The following TMEM178B variants were observed in gnomAD, a reference collection of about 807,000 sequenced individuals.
TMEM178B encodes the protein transmembrane protein 178B.
In TMEM178B, 5 loss-of-function variants were observed where a neutral mutation model predicts 31.0. The ratio of observed to expected loss-of-function variants is 0.16; its 90% CI spans 0.08 to 0.34. The LOEUF (loss-of-function observed/expected upper bound fraction) is 0.34, where lower values mean the gene tolerates loss of function less well. TMEM178B is among the 10% of genes least tolerant of loss of function. The pLI, the probability that TMEM178B is intolerant of heterozygous loss-of-function variation, is 1.00. For missense variants in TMEM178B, 275 were observed against 400.3 expected, an observed-to-expected ratio of 0.69 and a Z score of 2.67; for synonymous variants, 164 against 164.0, an observed-to-expected ratio of 1.00 and a Z score of 0.00.
intron 2 of TMEM178B, among the ~76,000 whole-genome samples, chr7:141,368,560 T>C (rs1003892941): frequency 1.3e-5 from 2 of 152,202 alleles, no homozygotes; most frequent in South Asian, 2.1e-4. Flanking sequence ...TTCAAGAATA[T>C]GAAACATAAA....
chr7:141,282,522 CT>C (rs1240144306), intron 2 of TMEM178B, among the ~76,000 whole-genome samples: 2 of 152,186 alleles, frequency 1.3e-5, no homozygotes. Context: ...TGAAGAACAA[CT>C]TTGAAGAGGC....
chr7:141,493,895 G>A, the TMEM178B span, among the ~76,000 whole-genome samples: 1 of 152,166 alleles, frequency 6.6e-6, no homozygotes, highest in African/African-American at 2.4e-5. Flanking sequence ...ACCACCTGGT[G>A]AGCCTCATTT....
Position 141,177,635 on chromosome 7 carries a change from G to T in TMEM178B, c.383-34956G>T, listed in dbSNP as rs565579894. Among the ~76,000 whole-genome samples, 65 of 152,218 alleles carry T rather than the reference G, an allele frequency of 4.3e-4. 1 individual carries two copies. Among genetic ancestry groups the T allele is most frequent in the African/African-American group, 1.6e-3 (65 of 41,520 alleles). ...TTATGAATCTGGGTGTTCCTTTATT[G>T]GGTGCATATATATTTAGGATAGTTA... On this transcript the variant is annotated intron_variant, in intron 1 of 3. Coordinates refer to ENST00000565468, the MANE Select transcript of TMEM178B (RefSeq NM_001195278.2).
At chr7:141,170,330 A>G (rs1002618379) in intron 1 of TMEM178B, among the ~76,000 whole-genome samples, 5 of 152,130 alleles carry the variant, frequency 3.3e-5, no homozygotes, top group African/African-American at 1.2e-4. Context: ...TAATTTTTGG[A>G]ATTCTTACAG....
At chr7:141,505,889 T>C in the TMEM178B span, among the ~76,000 whole-genome samples, 3 of 152,220 alleles carry the variant, frequency 2.0e-5, no homozygotes, top group Admixed American at 2.0e-4. Flanking sequence ...AATGGTGTCG[T>C]AGTAGACCAG....
chr7:141,404,236 C>T (rs1192297833), intron 2 of TMEM178B, among the ~76,000 whole-genome samples: 1 of 152,152 alleles, frequency 6.6e-6, no homozygotes, highest in Non-Finnish European at 1.5e-5. Context: ...ACCCAGGAAG[C>T]GGAGCTTGCA....
In TMEM178B at chr7:141,461,765, C is replaced by G. The variant is rs1563188900; in HGVS notation, c.635-8771C>G. ...ACACAGGAAGCACTGCCTTGTCCAC[C>G]TTATACACCTGCAATTAGCACTCAG... On this transcript the variant is annotated intron_variant, in intron 3 of 3. Coordinates refer to ENST00000565468, the MANE Select transcript of TMEM178B (RefSeq NM_001195278.2). The surrounding 1 kb of genome is among the most constrained non-coding windows in gnomAD (Gnocchi z 4.0). 6.6e-6 allele frequency among the ~76,000 whole-genome samples: 1 copy of G among 152,186 alleles called. No individual in the cohort carries two copies. Among genetic ancestry groups the G allele is most frequent in the Non-Finnish European group, 1.5e-5 (1 of 68,040 alleles).
At chr7:141,376,555 A>G (rs1255777444) in intron 2 of TMEM178B, among the ~76,000 whole-genome samples, 1 of 152,240 alleles carries the variant, frequency 6.6e-6, no homozygotes, top group Non-Finnish European at 1.5e-5. Flanking sequence ...AACATGTTTA[A>G]CATTAATCCA....
chr7:141,493,546 A>C, the TMEM178B span, among the ~76,000 whole-genome samples: 8 of 152,112 alleles, frequency 5.3e-5, no homozygotes, highest in African/African-American at 1.9e-4. Context: ...GCAGTCCAGG[A>C]AGATCTTCTC....
At chr7:141,115,428 G>A (rs1795303364) in intron 1 of TMEM178B, among the ~76,000 whole-genome samples, 1 of 152,110 alleles carries the variant, frequency 6.6e-6, no homozygotes, top group African/African-American at 2.4e-5. Flanking sequence ...AAAGCCGGGT[G>A]GGGCCTAGGG....
At chr7:141,152,386 C>T (rs1283293218) in intron 1 of TMEM178B, among the ~76,000 whole-genome samples, 3 of 152,162 alleles carry the variant, frequency 2.0e-5, no homozygotes, top group African/African-American at 7.2e-5. Context: ...AAATGTCATG[C>T]TGGTGTGGCT....
intron 2 of TMEM178B, among the ~76,000 whole-genome samples, chr7:141,322,933 C>T (rs536182407): frequency 4.6e-5 from 7 of 152,276 alleles, no homozygotes; most frequent in South Asian, 2.1e-4. Context: ...TGGCTATTAA[C>T]GTGCTTTCTC....
chr7:141,483,964 G>A (rs542248817), downstream of TMEM178B, among the ~76,000 whole-genome samples: 11 of 152,048 alleles, frequency 7.2e-5, no homozygotes, highest in South Asian at 2.1e-4. Context: ...TCGAACTCCC[G>A]ATCTCAGGTG....
intron 2 of TMEM178B, among the ~76,000 whole-genome samples, chr7:141,294,662 C>T (rs2116428548): frequency 6.6e-6 from 1 of 152,308 alleles, no homozygotes; most frequent in East Asian, 1.9e-4. Flanking sequence ...CAGTCTGAGT[C>T]AGCAAAAACA....
chr7:141,459,187 T>G (rs1419550962), intron 3 of TMEM178B, among the ~76,000 whole-genome samples: 1 of 152,062 alleles, frequency 6.6e-6, no homozygotes, highest in African/African-American at 2.4e-5. Context: ...GCGCCACCAC[T>G]CCTGGCTAAT....
Position 141,476,996 on chromosome 7 carries a change from C to A in TMEM178B, c.*6210C>A, listed in dbSNP as rs1290652895. On this transcript the variant is annotated 3_prime_UTR_variant, in exon 4 of 4. Coordinates refer to ENST00000565468, the MANE Select transcript of TMEM178B (RefSeq NM_001195278.2). ...AACACCAACCTCAGCAAATGCAACT[C>A]CTACACTTCATTCCCAAGGACCAGG... The A allele has an allele frequency of 6.5e-6, 1 of 154,874 alleles. No homozygotes were observed. The highest frequency in any genetic ancestry group is 2.4e-5 in the African/African-American group (1 of 41,520). 9.6% of individuals were successfully genotyped at this position (154,874 alleles called of 1,614,324 possible).
At chr7:141,259,492 A>AT (rs1178279412) in intron 2 of TMEM178B, among the ~76,000 whole-genome samples, 1 of 151,872 alleles carries the variant, frequency 6.6e-6, no homozygotes, top group Non-Finnish European at 1.5e-5. Flanking sequence ...ACACTTTCCT[A>AT]TTTCTTTGCA....
chr7:141,210,714 G>GT (rs1436399362), intron 1 of TMEM178B, among the ~76,000 whole-genome samples: 5 of 152,190 alleles, frequency 3.3e-5, no homozygotes, highest in Non-Finnish European at 7.4e-5. Context: ...AACATCTTCT[G>GT]TGTGTGCACC....
At position 141,124,388 on chromosome 7, in the gene TMEM178B, T is replaced by G. The variant is rs547016320; in HGVS notation, c.382+49696T>G. ...ACTAAAAAAAAAATAGAAAAAAAAG[T>G]TTCAAATAAATGTGAACTTCTGCCT... On this transcript the variant is annotated intron_variant, in intron 1 of 3. Transcript: ENST00000565468. 7.9e-5 allele frequency among the ~76,000 whole-genome samples: 12 copies of G among 152,094 alleles called. No individual in the cohort carries two copies. In the South Asian group the frequency reaches 1.5e-3, roughly 18 times the overall value.
Sources: gnomAD v4.1 joint callset for allele counts (sites outside exome capture counted in the v4.1 genomes callset) on GRCh38, gnomAD v4.1.1 for gene constraint, Gnocchi (gnomAD v3.1) non-coding constraint, MANE v1.5 for transcripts, NCBI Gene and HGNC (gene_info 2026-07-23, HGNC 2026-07-21) for gene names.